Variants in SSB observed in about 807,000 individuals in gnomAD.
The protein encoded by SSB is lupus La protein.
SSB carries 17 observed loss-of-function variants against 52.9 expected under a neutral mutation model. The ratio of observed to expected loss-of-function variants is 0.32; its 90% CI spans 0.22 to 0.48. The LOEUF is 0.48. Among genes scored for constraint, SSB ranks in the 20% least tolerant of loss-of-function variants. The pLI is 0.99. For missense variants in SSB, 314 were observed against 463.6 expected, an observed-to-expected ratio of 0.68 and a Z score of 2.96; for synonymous variants, 111 against 152.1, an observed-to-expected ratio of 0.73 and a Z score of 1.99.
chr2:169,810,648 A>G lies in SSB; in HGVS notation c.811-210A>G, dbSNP rs3754912. ...TTATTGTCACTATATGTGATGTCTGATAGTTTCTGAATTATACTATGAATA... is the reference window on the plus strand; with the variant it reads ...TTATTGTCACTATATGTGATGTCTGGTAGTTTCTGAATTATACTATGAATA... On this transcript the variant is annotated intron_variant, in intron 9 of 11. Coordinates refer to ENST00000260956, the MANE Select transcript of SSB (RefSeq NM_003142.5). 2.1e-4 allele frequency: 141 copies of G among 658,930 alleles called. 1 individual carries two copies. In the East Asian group the frequency reaches 4.0e-3, roughly 19 times the overall value. 40.8% of individuals were successfully genotyped at this position (658,930 alleles called of 1,614,324 possible). A position where few individuals can be genotyped will look rare whatever the true frequency, so the allele number is the denominator to read the frequency against.
chr2:169,805,363 C>A, intron 2 of SSB, 111 bp from the exon 3 acceptor site: 1 of 724,294 alleles, frequency 1.4e-6, no homozygotes, highest in Non-Finnish European at 2.2e-6. Context: ...AAGTGTTTTG[C>A]CTTTTGTAAC....
Position 169,811,049 on chromosome 2 carries a change from T to C in SSB, c.997+5T>C. 1.2e-6 allele frequency: 2 copies of C among 1,605,756 alleles called. No homozygotes were observed. The highest frequency in any genetic ancestry group is 1.1e-5 in the South Asian group (1 of 88,358). ...TAAACAAATGGAAGTCAAAAGGTCA[T>C]TTATTCTGATTTTTCTTTAACAGTT... On this transcript the variant is annotated splice_donor_5th_base_variant and intron_variant, in intron 10 of 11. Transcript: ENST00000260956.
At position 169,803,510 on chromosome 2, in the gene SSB, A is replaced by G. The variant is rs534078325; in HGVS notation, c.67-1964A>G. 2.0e-5 allele frequency among the ~76,000 whole-genome samples: 3 copies of G among 152,252 alleles called. No homozygotes were observed. In the South Asian group the frequency reaches 6.2e-4, roughly 32 times the overall value. ...GGTGATCCACCTGCTTCGGCCACCC[A>G]AAGTGCTGGGATTACAGGCATGAGC... On this transcript the variant is annotated intron_variant, in intron 2 of 11. Coordinates refer to ENST00000260956, the MANE Select transcript of SSB (RefSeq NM_003142.5).
chr2:169,801,508 A>G (rs1391098077), intron 2 of SSB, among the ~76,000 whole-genome samples: 1 of 105,054 alleles, frequency 9.5e-6, no homozygotes, highest in East Asian at 3.2e-4. Flanking sequence ...ACTTTAATAT[A>G]GTTTTTTTTT....
At chr2:169,804,515 T>C (rs1459364768) in intron 2 of SSB, among the ~76,000 whole-genome samples, 1 of 151,940 alleles carries the variant, frequency 6.6e-6, no homozygotes, top group African/African-American at 2.4e-5. Flanking sequence ...CCTCCTAAAG[T>C]GCTGGGATTA....
rs1267734416 is a variant in SSB, at chr2:169,809,104, G to A, written c.669+202G>A. The A allele has an allele frequency of 2.3e-5, 13 of 576,178 alleles. No homozygotes were observed. The Admixed American group carries it at 3.2e-4, about 14-fold the overall frequency. 35.7% of individuals were successfully genotyped at this position (576,178 alleles called of 1,614,324 possible). A position where few individuals can be genotyped will look rare whatever the true frequency, so the allele number is the denominator to read the frequency against. On this transcript the variant is annotated intron_variant, in intron 8 of 11. Coordinates refer to ENST00000260956, the MANE Select transcript of SSB (RefSeq NM_003142.5). Reference sequence around the variant, plus strand: ...ATGTTCTAAAATATGGAAAAGGCCGGGTGCAGTGGCCCACGCCTGTAATCC... The same window carrying A: ...ATGTTCTAAAATATGGAAAAGGCCGAGTGCAGTGGCCCACGCCTGTAATCC...
intron 7 of SSB, 28 bp from the exon 8 acceptor site, chr2:169,808,832 T>C (rs764919404): frequency 1.9e-5 from 28 of 1,494,486 alleles, no homozygotes; most frequent in Non-Finnish European, 2.4e-5. Flanking sequence ...TAAATAGAAG[T>C]ATGTTATAAT....
intron 3 of SSB, 39 bp from the exon 4 acceptor site, chr2:169,805,626 G>A (rs367741022): frequency 2.1e-4 from 336 of 1,611,262 alleles, no homozygotes; most frequent in Non-Finnish European, 2.6e-4. Context: ...TACAATGAGT[G>A]CTACTGCTGA....
chr2:169,806,182 G>T (rs1689826334), intron 4 of SSB: 1 of 290,138 alleles, frequency 3.4e-6, no homozygotes, highest in Non-Finnish European at 6.7e-6. Context: ...CCAGGCTGGT[G>T]TCAATCTCCT....
chr2:169,811,005 G>A lies in SSB; in HGVS notation c.958G>A (p.Glu320Lys). ...AAAAGAAGCACTGAAGAAAATAATA[G>A]AAGACCAACAAGAATCCCTAAACAA... ...VEKEALKKII[E>K]DQQESLNKWK... Residue 320 changes from glutamate to lysine, a missense_variant, in exon 10 of 12, where the codon GAA becomes AAA. Glu to Lys is a moderately conservative substitution (Grantham distance 56). Transcript: ENST00000260956. 6.2e-7 allele frequency: 1 copy of A among 1,612,082 alleles called. No homozygotes were observed. The highest frequency in any genetic ancestry group is 8.5e-7 in the Non-Finnish European group (1 of 1,179,608).
At chr2:169,805,923 C>A in intron 4 of SSB, 84 bp downstream of exon 4, 3 of 1,253,672 alleles carry the variant, frequency 2.4e-6, no homozygotes, top group Admixed American at 2.0e-5. Context: ...GGAATCACAG[C>A]CTCACTAATT....
chr2:169,810,073 C>T (rs1689914528), intron 8 of SSB: 1 of 303,988 alleles, frequency 3.3e-6, no homozygotes, highest in South Asian at 1.3e-4. Context: ...CAAAGGAAAA[C>T]ACCAACACTA....
In SSB at chr2:169,810,208, A is replaced by G. The variant is rs536001718; in HGVS notation, c.670-75A>G. Reference sequence around the variant, plus strand: ...TTTCTAGTCTTTTTCTTGTATAGCTATAAGGTGGTGTGAGTCATTTCTGGT... The same window carrying G: ...TTTCTAGTCTTTTTCTTGTATAGCTGTAAGGTGGTGTGAGTCATTTCTGGT... On this transcript the variant is annotated intron_variant, in intron 8 of 11. Transcript: ENST00000260956. The G allele has an allele frequency of 2.2e-5, 26 of 1,181,612 alleles. No homozygotes were observed. The South Asian group carries it at 2.9e-4, about 13-fold the overall frequency. The allele number at this position is 1,181,612 out of a possible 1,614,324, so 73.2% of individuals were successfully genotyped here. A position where few individuals can be genotyped will look rare whatever the true frequency, so the allele number is the denominator to read the frequency against.
At chr2:169,806,451 T>G (rs2105700979) in intron 4 of SSB, 1 of 179,240 alleles carries the variant, frequency 5.6e-6, no homozygotes, top group East Asian at 1.5e-4. Context: ...TATTTTTAAA[T>G]AGTTTTTTAT....
intron 8 of SSB, among the ~76,000 whole-genome samples, chr2:169,809,464 T>G (rs1689898416): frequency 6.6e-6 from 1 of 152,188 alleles, no homozygotes; most frequent in African/African-American, 2.4e-5. Context: ...CTTATTTTTA[T>G]GAGAAAATGT....
chr2:169,807,391 C>T (rs190695172), intron 6 of SSB, among the ~76,000 whole-genome samples: 1 of 152,080 alleles, frequency 6.6e-6, no homozygotes, highest in Non-Finnish European at 1.5e-5. Flanking sequence ...TGGGTTCAAG[C>T]GATTCTCCTG....
chr2:169,805,142 G>A (rs554750631), intron 2 of SSB, among the ~76,000 whole-genome samples: 7 of 152,056 alleles, frequency 4.6e-5, no homozygotes, highest in Non-Finnish European at 8.8e-5. Flanking sequence ...AAAAAAATAA[G>A]AATTGAGTGA....
intron 7 of SSB, 87 bp downstream of exon 7, chr2:169,808,640 G>A: frequency 3.1e-6 from 4 of 1,272,026 alleles, no homozygotes; most frequent in Non-Finnish European, 4.5e-6. Flanking sequence ...AATAGTGGCA[G>A]TAGACCTTTC....
At chr2:169,809,490 G>T in intron 8 of SSB, among the ~76,000 whole-genome samples, 1 of 152,100 alleles carries the variant, frequency 6.6e-6, no homozygotes, top group East Asian at 1.9e-4. Flanking sequence ...AACTTCTAAA[G>T]ATTCTAATCA....
Sources: allele counts gnomAD v4.1 joint callset (sites outside exome capture counted in the v4.1 genomes callset), GRCh38; gene constraint gnomAD v4.1.1; transcripts MANE v1.5; gene names NCBI Gene and HGNC (gene_info 2026-07-23, HGNC 2026-07-21).